The following ADGRE3 variants were observed in gnomAD, a reference collection of about 807,000 sequenced individuals.
ADGRE3 encodes the protein adhesion G protein-coupled receptor E3.
A neutral mutation model predicts 80.1 loss-of-function variants in ADGRE3; 88 were observed. That is an observed-to-expected ratio of 1.10 (90% CI 0.93 to 1.31). The LOEUF (loss-of-function observed/expected upper bound fraction) is 1.31, where lower values mean the gene tolerates loss of function less well. Ranked by LOEUF, ADGRE3 falls within the 40% of genes most tolerant of loss-of-function variation. The probability of loss-of-function intolerance (pLI) is 0.00; values close to 1 mark genes in which losing one functional copy is unlikely to be tolerated. For synonymous variants in ADGRE3, 281 were observed against 294.8 expected, an observed-to-expected ratio of 0.95 and a Z score of 0.48; for missense variants, 715 against 776.5, an observed-to-expected ratio of 0.92 and a Z score of 0.94.
At chr19:14,614,749 G>A (rs144341184), downstream of ADGRE3, among the ~76,000 whole-genome samples, 1,176 of 151,930 alleles carry the variant, frequency 7.7e-3, 15 homozygotes, top group African/African-American at 0.028. Context: ...GAATTTTTTC[G>A]TATTTTTACT....
rs564990076 is a variant in ADGRE3, at chr19:14,633,219, C to T, written c.1551+17G>A. The T allele has an allele frequency of 1.5e-5, 24 of 1,606,848 alleles. No individual in the cohort carries two copies. The highest frequency in any genetic ancestry group is 1.7e-4 in the Middle Eastern group (1 of 6,020). Reference sequence around the variant, plus strand: ...TTGGTTCTTCCTAGTTTGGGAACATCGAAGGCACATACTCACAGAGAAAAT... The same window carrying T: ...TTGGTTCTTCCTAGTTTGGGAACATTGAAGGCACATACTCACAGAGAAAAT... On this transcript the variant is annotated intron_variant, in intron 12 of 15. Transcript: ENST00000253673.
chr19:14,670,091 T>C (rs1251568355), intron 1 of ADGRE3, among the ~76,000 whole-genome samples: 1 of 152,218 alleles, frequency 6.6e-6, no homozygotes, highest in Non-Finnish European at 1.5e-5. Flanking sequence ...TGTTTTGTTA[T>C]CACTCTTGGT....
intron 7 of ADGRE3, 51 bp from the exon 8 acceptor site, chr19:14,647,416 T>C (rs772139282): frequency 5.5e-5 from 71 of 1,301,268 alleles, no homozygotes; most frequent in South Asian, 9.6e-5. Context: ...CTTTCTTTTT[T>C]TTTTTTTTTT....
chr19:14,657,050 C>T (rs7252869), intron 5 of ADGRE3, among the ~76,000 whole-genome samples: 63,029 of 151,880 alleles, frequency 0.41, 13,438 homozygotes, highest in East Asian at 0.62. Flanking sequence ...CATGCGCCCC[C>T]ATGCCCGGCT....
chr19:14,661,791 T>C (rs1378655889), intron 4 of ADGRE3, among the ~76,000 whole-genome samples, 172 bp downstream of exon 4: 2 of 152,084 alleles, frequency 1.3e-5, no homozygotes, highest in Non-Finnish European at 2.9e-5. Flanking sequence ...TCTCAGCTAC[T>C]TGGGAGGCTG....
chr19:14,617,327 TC>T (rs1288178452), downstream of ADGRE3, among the ~76,000 whole-genome samples: 2 of 84,612 alleles, frequency 2.4e-5, no homozygotes, highest in Admixed American at 1.3e-4. Flanking sequence ...CTTGCTTCCC[TC>T]CCTCCCTCCC....
chr19:14,657,887 TG>T (rs1971815812), intron 5 of ADGRE3, among the ~76,000 whole-genome samples: 1 of 151,896 alleles, frequency 6.6e-6, no homozygotes, highest in South Asian at 2.1e-4. Flanking sequence ...CCTCAGCCTC[TG>T]GGGTTGCTGG....
chr19:14,603,188 G>A, the ADGRE3 span, among the ~76,000 whole-genome samples: 11 of 152,120 alleles, frequency 7.2e-5, no homozygotes, highest in Non-Finnish European at 1.5e-4. Flanking sequence ...CTAGAATGGT[G>A]TACATTTACT....
downstream of ADGRE3, among the ~76,000 whole-genome samples, chr19:14,617,672 A>C (rs998240578): frequency 6.6e-6 from 1 of 152,046 alleles, no homozygotes; most frequent in African/African-American, 2.4e-5. Flanking sequence ...TGCTAGGATT[A>C]CAGGCGTGAG....
rs555212347 is a variant in ADGRE3 at position 14,669,766 on chromosome 19, G to A, written c.26-914C>T. 4.6e-5 allele frequency among the ~76,000 whole-genome samples: 7 copies of A among 152,108 alleles called. No individual in the cohort carries two copies. The South Asian group carries it at 1.2e-3, about 27-fold the overall frequency. On this transcript the variant is annotated intron_variant, in intron 1 of 15. Coordinates refer to ENST00000253673, the MANE Select transcript of ADGRE3 (RefSeq NM_032571.5). ...CAGCCTCCCAAAGTGCCGGGATTAC[G>A]GGCATGAGCCACTCTGCCCAGCCCA...
chr19:14,610,048 T>C, the ADGRE3 span: 1 of 1,604,528 alleles, frequency 6.2e-7, no homozygotes, highest in South Asian at 1.1e-5. Context: ...CTCTGCCCAC[T>C]TTTTCCTCCA....
chr19:14,665,942 A>ATATG (rs1262500113), intron 2 of ADGRE3, among the ~76,000 whole-genome samples: 9 of 95,788 alleles, frequency 9.4e-5, no homozygotes, highest in African/African-American at 3.7e-4. Context: ...ATGTGTATAT[A>ATATG]TATATATATA....
intron 10 of ADGRE3, among the ~76,000 whole-genome samples, chr19:14,640,664 G>T (rs184271368): frequency 6.6e-6 from 1 of 151,796 alleles, no homozygotes; most frequent in South Asian, 2.1e-4. Context: ...GATATGGTTT[G>T]GCTCTGTGTC....
intron 14 of ADGRE3, among the ~76,000 whole-genome samples, chr19:14,629,817 T>C (rs1970829071): frequency 6.6e-6 from 1 of 151,496 alleles, no homozygotes; most frequent in South Asian, 2.1e-4. Flanking sequence ...AAAGGCATGA[T>C]TTTTTTTTGA....
intron 14 of ADGRE3, among the ~76,000 whole-genome samples, chr19:14,626,997 G>A (rs982485978): frequency 2.0e-5 from 3 of 152,216 alleles, no homozygotes; most frequent in Non-Finnish European, 4.4e-5. Flanking sequence ...CTCCAGGCAT[G>A]TAGAGACAGA....
At chr19:14,642,930 C>T (rs1369867861) in intron 9 of ADGRE3, among the ~76,000 whole-genome samples, 2 of 152,090 alleles carry the variant, frequency 1.3e-5, no homozygotes, top group African/African-American at 4.8e-5. Context: ...ATTTATATTC[C>T]TTTGGGTATA....
chr19:14,651,155 T>C lies in ADGRE3; in HGVS notation c.627A>G (p.Thr209=), dbSNP rs887649120. 6.2e-7 allele frequency: 1 copy of C among 1,614,014 alleles called. No individual in the cohort carries two copies. Among genetic ancestry groups the C allele is most frequent in the African/African-American group, 1.3e-5 (1 of 75,050 alleles). Residue 209 remains threonine (T), a synonymous_variant, in exon 7 of 16, where the codon ACA becomes ACG. Coordinates refer to ENST00000253673, the MANE Select transcript of ADGRE3 (RefSeq NM_032571.5). Reference sequence around the variant, plus strand: ...AGTTCATTTGGACGTTCAAGTTGAATGTCTTTCTTTCTTCAGAGCAATTGT... The same window carrying C: ...AGTTCATTTGGACGTTCAAGTTGAACGTCTTTCTTTCTTCAGAGCAATTGT... ...ITDNCSEERK[T]FNLNVQMNSM... is the part of the protein sequence containing the mutation.
chr19:14,658,148 C>G (rs1400990307), intron 5 of ADGRE3, among the ~76,000 whole-genome samples: 1 of 151,858 alleles, frequency 6.6e-6, no homozygotes, highest in African/African-American at 2.4e-5. Context: ...GTGTGTTGTT[C>G]AACTGTATAT....
intron 14 of ADGRE3, among the ~76,000 whole-genome samples, chr19:14,627,608 A>C (rs1970769034): frequency 6.6e-6 from 1 of 151,380 alleles, no homozygotes; most frequent in Non-Finnish European, 1.5e-5. Context: ...TGAACTCCTG[A>C]CCTCAGATGA....
Sources: gnomAD v4.1 joint callset for allele counts (sites outside exome capture counted in the v4.1 genomes callset) on GRCh38, gnomAD v4.1.1 for gene constraint, MANE v1.5 for transcripts, NCBI Gene and HGNC (gene_info 2026-07-23, HGNC 2026-07-21) for gene names.